The following NOL4L variants were observed in gnomAD, a reference collection of about 807,000 sequenced individuals.
The protein encoded by NOL4L is nucleolar protein 4 like, also known as nucleolar protein 4-like.
NOL4L carries 7 observed loss-of-function variants against 64.5 expected under a neutral mutation model. The observed-to-expected ratio is 0.11, with a 90% confidence interval of 0.06 to 0.20. The LOEUF (loss-of-function observed/expected upper bound fraction) is 0.20. Ranked by LOEUF, NOL4L falls within the 10% of genes least tolerant of loss-of-function variation. The pLI is 1.00. For missense variants in NOL4L, 680 were observed against 967.1 expected (o/e 0.70, Z 3.94); for synonymous variants, 413 against 401.0 (o/e 1.03, Z -0.36).
At chr20:32,465,460 C>G (rs1052546772) in intron 5 of NOL4L, among the ~76,000 whole-genome samples, 4 of 152,272 alleles carry the variant, frequency 2.6e-5, no homozygotes, top group African/African-American at 9.6e-5. Flanking sequence ...TCCCCCAACA[C>G]CTACTGGCCA....
At chr20:32,483,611 CG>C in intron 4 of NOL4L, 1 of 163,014 alleles carries the variant, frequency 6.1e-6, no homozygotes, top group Non-Finnish European at 7.3e-6. Flanking sequence ...GAGGGGGCAC[CG>C]GGCACGGGGA....
chr20:32,579,884 C>T (rs1980357451), intron 1 of NOL4L, among the ~76,000 whole-genome samples: 1 of 152,170 alleles, frequency 6.6e-6, no homozygotes, highest in Admixed American at 6.5e-5. Flanking sequence ...GGACCCAGGA[C>T]AACAGAGGCA....
At chr20:32,462,993 G>A (rs1186892766) in intron 5 of NOL4L, among the ~76,000 whole-genome samples, 4 of 151,910 alleles carry the variant, frequency 2.6e-5, no homozygotes, top group Non-Finnish European at 5.9e-5. Flanking sequence ...GCCCGGGCAG[G>A]GATGGTGCTG....
intron 1 of NOL4L, among the ~76,000 whole-genome samples, chr20:32,540,840 C>T (rs187045889): frequency 2.6e-5 from 4 of 151,922 alleles, no homozygotes; most frequent in Admixed American, 1.3e-4. Flanking sequence ...GAACACCTGG[C>T]ACACATTATC....
chr20:32,510,516 C>T (rs1453539051), intron 4 of NOL4L: 21 of 161,152 alleles, frequency 1.3e-4, no homozygotes, highest in Non-Finnish European at 6.9e-5. Context: ...GGCTGGAGAC[C>T]GGCAGCGCAG....
Position 32,452,453 on chromosome 20 carries a change from G to A in NOL4L, c.1621-16C>T, listed in dbSNP as rs1365497915. 3 of 1,544,028 alleles carry A rather than the reference G, an allele frequency of 1.9e-6. No homozygotes were observed. The highest frequency in any genetic ancestry group is 2.0e-5 in the Admixed American group (1 of 49,624). On this transcript the variant is annotated splice_polypyrimidine_tract_variant and intron_variant, in intron 9 of 10. Transcript: ENST00000621426. Reference sequence around the variant, plus strand: ...TGGGCTCATCCTGCAGAGGGGAGAGGGGGGCGCTGGGGAAACCAAGGGGCA... The same window carrying A: ...TGGGCTCATCCTGCAGAGGGGAGAGAGGGGCGCTGGGGAAACCAAGGGGCA...
At chr20:32,461,491 C>T (rs1421564794) in intron 5 of NOL4L, among the ~76,000 whole-genome samples, 3 of 146,566 alleles carry the variant, frequency 2.0e-5, no homozygotes, top group Non-Finnish European at 4.5e-5. Context: ...GGCGTGATCT[C>T]GGCTCACTGC....
At chr20:32,556,722 A>C (rs1157660356) in intron 1 of NOL4L, among the ~76,000 whole-genome samples, 3 of 152,138 alleles carry the variant, frequency 2.0e-5, no homozygotes, top group African/African-American at 7.2e-5. Flanking sequence ...TCCTCCATTC[A>C]TTCCACTGGG....
chr20:32,461,896 A>G (rs1052338103), intron 5 of NOL4L, among the ~76,000 whole-genome samples: 2 of 151,896 alleles, frequency 1.3e-5, no homozygotes, highest in African/African-American at 4.8e-5. Flanking sequence ...GTGCAGCTGT[A>G]TTGGGTGGGC....
At chr20:32,475,265 T>C (rs1158836550) in intron 4 of NOL4L, 9 of 985,442 alleles carry the variant, frequency 9.1e-6, no homozygotes, top group Non-Finnish European at 1.1e-5. Flanking sequence ...CCAGAGGACG[T>C]TTCTGTCTTC....
At chr20:32,516,811 G>C (rs939469347) in intron 3 of NOL4L, among the ~76,000 whole-genome samples, 1 of 152,256 alleles carries the variant, frequency 6.6e-6, no homozygotes, top group East Asian at 1.9e-4. Context: ...GTCTGGGCCT[G>C]GTTGTGAAGG....
intron 5 of NOL4L, among the ~76,000 whole-genome samples, chr20:32,471,363 C>T (rs998500941): frequency 1.5e-5 from 2 of 135,444 alleles, no homozygotes; most frequent in South Asian, 2.4e-4. Context: ...GGCAAGCTCC[C>T]GGGGAGTGAG....
At chr20:32,510,211 C>G in intron 4 of NOL4L, 1 of 356,062 alleles carries the variant, frequency 2.8e-6, no homozygotes, top group Non-Finnish European at 5.5e-6. Flanking sequence ...ACGTGGGAGA[C>G]ACAGTTCTAG....
At chr20:32,452,484 C>T (rs1402179199) in intron 9 of NOL4L, 47 bp from the exon 10 acceptor site, 1 of 1,475,182 alleles carries the variant, frequency 6.8e-7, no homozygotes. Flanking sequence ...GGGCAGCTGG[C>T]CCCAACTACC....
At chr20:32,478,535 A>C (rs1337843122) in intron 4 of NOL4L, among the ~76,000 whole-genome samples, 1 of 152,186 alleles carries the variant, frequency 6.6e-6, no homozygotes, top group Non-Finnish European at 1.5e-5. Flanking sequence ...AAGTTTTCCC[A>C]CAGCCTCCAG....
At chr20:32,530,482 A>G (rs2018305394) in intron 1 of NOL4L, among the ~76,000 whole-genome samples, 1 of 152,032 alleles carries the variant, frequency 6.6e-6, no homozygotes, top group Admixed American at 6.6e-5. Flanking sequence ...CAGAGCTTGC[A>G]GTGAGCCGAG....
At chr20:32,452,786 A>T in intron 9 of NOL4L, 98 bp downstream of exon 9, 1 of 1,552,632 alleles carries the variant, frequency 6.4e-7, no homozygotes, top group Non-Finnish European at 8.7e-7. Context: ...CCTTCTCCCG[A>T]CTGTACCCAT....
rs1266735897 is a variant in NOL4L, at chr20:32,488,851, C to G, written c.700-14109G>C. On this transcript the variant is annotated intron_variant, in intron 4 of 10. Coordinates refer to ENST00000621426, the MANE Select transcript of NOL4L (RefSeq NM_001256798.2). ...TTTTTCTTTCTTTCTTTCTTTCTTT[C>G]TTTCTTTCTTTCTTTCTTTCTTTCT... Among the ~76,000 whole-genome samples, 7 of 70,730 alleles carry G rather than the reference C, an allele frequency of 9.9e-5. No homozygotes were observed. The South Asian group carries it at 2.6e-3, about 27-fold the overall frequency. 46.4% of individuals were successfully genotyped at this position (70,730 alleles called of 152,430 possible). A position where few individuals can be genotyped will look rare whatever the true frequency, so the allele number is the denominator to read the frequency against.
At position 32,527,892 on chromosome 20, in the gene NOL4L, G is replaced by A; in HGVS notation, c.343C>T (p.Pro115Ser). The A allele has an allele frequency of 6.4e-7, 1 of 1,550,456 alleles. No individual in the cohort carries two copies. The highest frequency in any genetic ancestry group is 1.2e-5 in the South Asian group (1 of 84,060). The stretch of plus-strand genomic sequence containing the variant: ...ACCCGCTTCAGAGAGATGCCCTCTG[G>A]CTCCGACAGGCCATCTGCCCCCTGC... ...TGSGADGLSE[P>S]EGISLKRVAV... The change falls in exon 2 of 11, where the codon CCA becomes TCA. Residue 115 changes from proline (P) to serine (S), a missense_variant. Physicochemically the swap from Pro to Ser is moderately conservative, Grantham distance 74 (BLOSUM62 -1). Transcript: ENST00000621426.
Sources: allele counts gnomAD v4.1 joint callset (sites outside exome capture counted in the v4.1 genomes callset), GRCh38; gene constraint gnomAD v4.1.1; transcripts MANE v1.5; gene names NCBI Gene and HGNC (gene_info 2026-07-23, HGNC 2026-07-21).